Variants in CDH13 observed in about 807,000 individuals in gnomAD.
CDH13 encodes cadherin-13.
Under a neutral mutation model 63.8 loss-of-function variants are expected in CDH13, and 24 were observed. The ratio of observed to expected loss-of-function variants is 0.38; its 90% CI spans 0.27 to 0.53. The LOEUF is 0.53. Among genes scored for constraint, CDH13 ranks in the 20% least tolerant of loss-of-function variants. The pLI, the probability that CDH13 is intolerant of heterozygous loss-of-function variation, is 0.85. For synonymous variants in CDH13, 503 were observed against 355.3 expected, an observed-to-expected ratio of 1.42 and a Z score of -4.67; for missense variants, 1,049 against 903.1, an observed-to-expected ratio of 1.16 and a Z score of -2.07.
At chr16:83,201,513 G>A (rs192298021) in intron 4 of CDH13, among the ~76,000 whole-genome samples, 19 of 151,762 alleles carry the variant, frequency 1.3e-4, no homozygotes, top group African/African-American at 1.9e-4. Flanking sequence ...AGGTCCTGGC[G>A]AATTCAAGCC....
intron 6 of CDH13, among the ~76,000 whole-genome samples, chr16:83,440,901 C>A (rs1030001108): frequency 6.6e-6 from 1 of 151,960 alleles, no homozygotes. Flanking sequence ...AAAAGATGAA[C>A]CCATGACTGT....
chr16:82,811,248 G>C (rs1046849037), intron 1 of CDH13, among the ~76,000 whole-genome samples: 1 of 152,138 alleles, frequency 6.6e-6, no homozygotes, highest in Non-Finnish European at 1.5e-5. Flanking sequence ...GCCACGGTGA[G>C]AGAATTTATA....
chr16:83,493,800 T>C (rs2074074254), intron 7 of CDH13, among the ~76,000 whole-genome samples: 1 of 152,188 alleles, frequency 6.6e-6, no homozygotes, highest in African/African-American at 2.4e-5. Context: ...CACAGAGCTG[T>C]GACTTGGACA....
At chr16:82,960,090 G>A (rs2151339101) in intron 2 of CDH13, among the ~76,000 whole-genome samples, 1 of 152,296 alleles carries the variant, frequency 6.6e-6, no homozygotes, top group South Asian at 2.1e-4. Flanking sequence ...TTCTCTGGAT[G>A]ATGGATCAAG....
intron 11 of CDH13, among the ~76,000 whole-genome samples, chr16:83,755,731 G>C (rs1490101040): frequency 1.4e-5 from 2 of 142,470 alleles, no homozygotes; most frequent in African/African-American, 5.1e-5. Flanking sequence ...AAATCAAGGT[G>C]AATTAAAGAC....
At chr16:82,746,936 G>A (rs970149103) in intron 1 of CDH13, among the ~76,000 whole-genome samples, 1 of 152,106 alleles carries the variant, frequency 6.6e-6, no homozygotes, top group African/African-American at 2.4e-5. Flanking sequence ...TGTTTCTTTC[G>A]TTTTTATATT....
intron 10 of CDH13, among the ~76,000 whole-genome samples, chr16:83,705,544 C>T (rs191515570): frequency 7.2e-5 from 11 of 152,196 alleles, no homozygotes; most frequent in Admixed American, 7.2e-4. Flanking sequence ...ATGGCGTGAA[C>T]CCGGGAGGCG....
chr16:83,371,249 G>C (rs1402553082), intron 6 of CDH13, among the ~76,000 whole-genome samples: 1 of 152,096 alleles, frequency 6.6e-6, no homozygotes, highest in Non-Finnish European at 1.5e-5. Context: ...ATTTTCTGTT[G>C]ACTGCCCCAT....
intron 2 of CDH13, among the ~76,000 whole-genome samples, chr16:82,912,422 G>C (rs147317138): frequency 6.6e-6 from 1 of 152,292 alleles, no homozygotes; most frequent in East Asian, 1.9e-4. Context: ...CATAAATGTA[G>C]GAATGAAGGC....
chr16:82,802,917 T>A (rs1251300900), intron 1 of CDH13, among the ~76,000 whole-genome samples: 3 of 152,162 alleles, frequency 2.0e-5, no homozygotes, highest in Admixed American at 6.5e-5. Flanking sequence ...CTCCTTACTT[T>A]GAAATAAATC....
chr16:83,009,913 C>T lies in CDH13; in HGVS notation c.158-22097C>T, dbSNP rs7186090. On this transcript the variant is annotated intron_variant, in intron 2 of 13. Coordinates refer to ENST00000567109, the MANE Select transcript of CDH13 (RefSeq NM_001257.5). ...CTTTGGGAGGCCAAGGCAGGTGGAT[C>T]ACCTGAGGTCGGGAGTTCTTGACCA... Among the ~76,000 whole-genome samples, 792 of 152,148 alleles carry T rather than the reference C, an allele frequency of 5.2e-3. 10 individuals are homozygous for T. Among genetic ancestry groups the T allele is most frequent in the African/African-American group, 0.018 (760 of 41,522 alleles).
chr16:82,744,910 G>T (rs543836793), intron 1 of CDH13, among the ~76,000 whole-genome samples: 1 of 152,248 alleles, frequency 6.6e-6, no homozygotes, highest in African/African-American at 2.4e-5. Flanking sequence ...AGAGCCTGTG[G>T]CCACCATACA....
intron 7 of CDH13, among the ~76,000 whole-genome samples, chr16:83,527,661 A>G (rs116732229): frequency 0.011 from 1,681 of 152,218 alleles, 36 homozygotes; most frequent in African/African-American, 0.039. Flanking sequence ...TGATATATAC[A>G]CCTGACCCAG....
intron 4 of CDH13, among the ~76,000 whole-genome samples, chr16:83,141,634 C>T (rs1308559490): frequency 1.3e-5 from 2 of 152,090 alleles, no homozygotes; most frequent in Non-Finnish European, 2.9e-5. Flanking sequence ...GCCCCGTGTG[C>T]ATTAGGTATT....
chr16:83,669,868 T>C (rs73248735), intron 8 of CDH13, among the ~76,000 whole-genome samples: 11,475 of 152,256 alleles, frequency 0.075, 695 homozygotes, highest in African/African-American at 0.17. Flanking sequence ...TTATAAAATA[T>C]TTGCAAACAC....
chr16:83,444,823 C>T lies in CDH13; in HGVS notation c.782-41654C>T, dbSNP rs529085357. Among the ~76,000 whole-genome samples the T allele has an allele frequency of 9.8e-5, 15 of 152,382 alleles. No homozygotes were observed. In the East Asian group the frequency reaches 2.1e-3, roughly 22 times the overall value. The stretch of plus-strand genomic sequence containing the variant: ...GAAAATATTCTCATGGTTGGTTTTG[C>T]CTGAAGGTATAAAATTCCCCAAATC... On this transcript the variant is annotated intron_variant, in intron 6 of 13. Transcript: ENST00000567109.
chr16:83,678,369 G>A lies in CDH13; in HGVS notation c.1446G>A (p.Met482Ile). ...NEGPVFYPDP[M>I]MVTRQEDLSV... ...GCCCAGTCTTCTACCCAGACCCCATGATGGTGACCAGGCAGGAGGACCTCT... is the reference window on the plus strand; with the variant it reads ...GCCCAGTCTTCTACCCAGACCCCATAATGGTGACCAGGCAGGAGGACCTCT... The change falls in exon 10 of 14, where the codon ATG becomes ATA. Residue 482 changes from methionine to isoleucine, a missense_variant. Coordinates refer to ENST00000567109, the MANE Select transcript of CDH13 (RefSeq NM_001257.5). 6.2e-7 allele frequency: 1 copy of A among 1,613,976 alleles called. No individual in the cohort carries two copies. Among genetic ancestry groups the A allele is most frequent in the Non-Finnish European group, 8.5e-7 (1 of 1,179,886 alleles).
intron 5 of CDH13, among the ~76,000 whole-genome samples, chr16:83,255,944 A>G (rs1286075964): frequency 6.6e-6 from 1 of 152,188 alleles, no homozygotes; most frequent in Non-Finnish European, 1.5e-5. Flanking sequence ...TGGCAGCTTG[A>G]TTATGGTCAA....
At chr16:83,142,919 C>T (rs1597408041) in intron 4 of CDH13, among the ~76,000 whole-genome samples, 2 of 152,130 alleles carry the variant, frequency 1.3e-5, no homozygotes, top group Admixed American at 6.5e-5. Context: ...GCCTGACCCA[C>T]ATGAAGAAAC....
Sources: gnomAD v4.1 joint callset for allele counts (sites outside exome capture counted in the v4.1 genomes callset) on GRCh38, gnomAD v4.1.1 for gene constraint, MANE v1.5 for transcripts, NCBI Gene and HGNC (gene_info 2026-07-23, HGNC 2026-07-21) for gene names.